TMEM135: variants seen among roughly 807,000 people sequenced by gnomAD.
TMEM135 encodes transmembrane protein 135.
Under a neutral mutation model 60.3 loss-of-function variants are expected in TMEM135, and 30 were observed. The observed-to-expected ratio is 0.50, with a 90% CI of 0.37 to 0.68. The LOEUF (loss-of-function observed/expected upper bound fraction) is 0.68. Ranked by LOEUF, TMEM135 falls within the 30% of genes least tolerant of loss-of-function variation. The pLI, the probability that TMEM135 is intolerant of heterozygous loss-of-function variation, is 0.00. For synonymous variants in TMEM135, 190 were observed against 186.7 expected (o/e 1.02, Z -0.14); for missense variants, 468 against 548.8 (o/e 0.85, Z 1.47).
At chr11:87,097,751 C>T (rs763331912) in intron 4 of TMEM135, among the ~76,000 whole-genome samples, 9 of 152,172 alleles carry the variant, frequency 5.9e-5, no homozygotes, top group Non-Finnish European at 1.2e-4. Flanking sequence ...ACTTGCTGTT[C>T]GCTCTGTTTT....
intron 5 of TMEM135, among the ~76,000 whole-genome samples, chr11:87,163,638 A>C (rs1429640727): frequency 1.3e-5 from 2 of 151,816 alleles, no homozygotes; most frequent in Non-Finnish European, 2.9e-5. Context: ...GGTTGAACTA[A>C]TTTACAGTCC....
At chr11:87,147,061 C>T (rs914456490) in intron 4 of TMEM135, among the ~76,000 whole-genome samples, 1 of 152,108 alleles carries the variant, frequency 6.6e-6, no homozygotes, top group Non-Finnish European at 1.5e-5. Context: ...ACTCCTCACA[C>T]CAGTAATCCC....
intron 9 of TMEM135, among the ~76,000 whole-genome samples, chr11:87,306,460 A>G (rs1208205398): frequency 1.3e-5 from 2 of 151,746 alleles, no homozygotes; most frequent in African/African-American, 2.4e-5. Flanking sequence ...TTGGACTTGT[A>G]AAACTATTAC....
chr11:87,247,689 G>A (rs1337234097), intron 6 of TMEM135, among the ~76,000 whole-genome samples: 17 of 152,152 alleles, frequency 1.1e-4, no homozygotes, highest in South Asian at 4.1e-4. Flanking sequence ...CTGGTGCGCC[G>A]TTTTTTAAGC....
At chr11:87,248,906 G>T (rs561916293) in intron 6 of TMEM135, among the ~76,000 whole-genome samples, 1 of 152,190 alleles carries the variant, frequency 6.6e-6, no homozygotes, top group African/African-American at 2.4e-5. Flanking sequence ...TTATTTTTCA[G>T]AATGTTCATT....
intron 6 of TMEM135, among the ~76,000 whole-genome samples, chr11:87,289,144 G>T (rs1942218929): frequency 1.3e-5 from 2 of 152,106 alleles, no homozygotes; most frequent in African/African-American, 4.8e-5. Flanking sequence ...CACATTTTGT[G>T]TGTATGTAAT....
chr11:87,131,246 T>C (rs1325322311), intron 4 of TMEM135, among the ~76,000 whole-genome samples: 1 of 152,226 alleles, frequency 6.6e-6, no homozygotes, highest in African/African-American at 2.4e-5. Context: ...TTAGGGATAA[T>C]TCTTTGTGTT....
intron 3 of TMEM135, among the ~76,000 whole-genome samples, chr11:87,075,268 C>T (rs938904915): frequency 6.6e-6 from 1 of 151,706 alleles, no homozygotes; most frequent in African/African-American, 2.4e-5. Flanking sequence ...ACGCCATTCT[C>T]TTGCCTCAGC....
At chr11:87,077,801 T>A (rs561756965) in intron 3 of TMEM135, among the ~76,000 whole-genome samples, 2 of 152,372 alleles carry the variant, frequency 1.3e-5, no homozygotes, top group South Asian at 4.1e-4. Context: ...TTTCTGTCTC[T>A]AAAGATTTGC....
intron 5 of TMEM135, among the ~76,000 whole-genome samples, chr11:87,212,945 T>G (rs1470871778): frequency 6.6e-6 from 1 of 152,158 alleles, no homozygotes; most frequent in African/African-American, 2.4e-5. Flanking sequence ...TAGTAATTAC[T>G]AATAGAAATG....
At chr11:87,184,273 G>A (rs1591085214) in intron 5 of TMEM135, among the ~76,000 whole-genome samples, 3 of 152,130 alleles carry the variant, frequency 2.0e-5, no homozygotes, top group Admixed American at 2.0e-4. Context: ...TTTGATTTTC[G>A]ATAGCCTTTC....
Position 87,261,674 on chromosome 11 carries a change from T to G in TMEM135, c.509+24990T>G, listed in dbSNP as rs1296280838. ...AGACTCGCTTTCATTTACCCTGGAG[T>G]GCAGTGGCACAGTCATGACTCACTG... On this transcript the variant is annotated intron_variant, in intron 6 of 14. Transcript: ENST00000305494. Among the ~76,000 whole-genome samples the G allele has an allele frequency of 5.3e-5, 8 of 152,252 alleles. No homozygotes were observed. In the East Asian group the frequency reaches 1.5e-3, roughly 29 times the overall value.
At chr11:87,297,827 A>G (rs529575007) in intron 7 of TMEM135, among the ~76,000 whole-genome samples, 1 of 152,324 alleles carries the variant, frequency 6.6e-6, no homozygotes, top group South Asian at 2.1e-4. Flanking sequence ...CCTTCCACTA[A>G]GCAAATTCAG....
chr11:87,106,989 T>C (rs991384990), intron 4 of TMEM135, among the ~76,000 whole-genome samples: 1 of 152,100 alleles, frequency 6.6e-6, no homozygotes, highest in Non-Finnish European at 1.5e-5. Flanking sequence ...CACACACTTT[T>C]AAATAACTGG....
Position 87,325,169 on chromosome 11 carries a change from AG to A in TMEM135, c.*3837del, listed in dbSNP as rs1381818479. 8.8e-6 allele frequency: 4 copies of A among 453,916 alleles called. No individual in the cohort carries two copies. Among genetic ancestry groups the A allele is most frequent in the Non-Finnish European group, 1.8e-5 (4 of 226,774 alleles). The allele number at this position is 453,916 out of a possible 1,614,324, so 28.1% of individuals were successfully genotyped here. ...GCTGTCTTAGATTCTAGGGCTTTGT[AG>A]TACTATGTTTCTGTTTAAAGTAGTG... On this transcript the variant is annotated 3_prime_UTR_variant, in exon 15 of 15. Transcript: ENST00000305494.
At chr11:87,097,512 A>C (rs1044934857) in intron 4 of TMEM135, among the ~76,000 whole-genome samples, 1 of 152,228 alleles carries the variant, frequency 6.6e-6, no homozygotes, top group Admixed American at 6.5e-5. Flanking sequence ...TTAACTATCT[A>C]TGGTTAAAAT....
chr11:87,306,927 G>T (rs1374567920), intron 9 of TMEM135, among the ~76,000 whole-genome samples: 2 of 151,980 alleles, frequency 1.3e-5, no homozygotes, highest in Non-Finnish European at 2.9e-5. Context: ...CACCATGTTG[G>T]CCAGGCTGGT....
chr11:87,158,316 T>C (rs1049008741), intron 5 of TMEM135, among the ~76,000 whole-genome samples: 5 of 152,188 alleles, frequency 3.3e-5, no homozygotes, highest in Non-Finnish European at 5.9e-5. Flanking sequence ...TGGAAGTGAG[T>C]ATCTAAGGAG....
intron 6 of TMEM135, among the ~76,000 whole-genome samples, chr11:87,257,753 G>GT (rs1294312722): frequency 2.6e-5 from 4 of 151,468 alleles, no homozygotes; most frequent in Admixed American, 6.6e-5. Flanking sequence ...ATGGGTAAGG[G>GT]TTTTTTTTAG....
Sources: allele counts gnomAD v4.1 joint callset (sites outside exome capture counted in the v4.1 genomes callset), GRCh38; gene constraint gnomAD v4.1.1; transcripts MANE v1.5; gene names NCBI Gene and HGNC (gene_info 2026-07-23, HGNC 2026-07-21).